Variants in PKD1L3 observed in about 807,000 individuals in gnomAD.
PKD1L3 encodes the protein polycystin 1 like 3, transient receptor potential channel interacting.
Under a neutral mutation model 184.1 loss-of-function variants are expected in PKD1L3, and 239 were observed. The observed-to-expected ratio is 1.30, with a 90% CI of 1.17 to 1.45. The LOEUF is 1.45. PKD1L3 is among the 40% of genes most tolerant of loss of function. The pLI is 0.00. For synonymous variants in PKD1L3, 996 were observed against 778.8 expected (o/e 1.28, Z -4.64); for missense variants, 2,660 against 2,067.2 (o/e 1.29, Z -5.56).
intron 15 of PKD1L3, among the ~76,000 whole-genome samples, chr16:71,963,746 G>T (rs1050837686): frequency 6.6e-6 from 1 of 152,068 alleles, no homozygotes; most frequent in Non-Finnish European, 1.5e-5. Flanking sequence ...TTGCACCACT[G>T]CATTCTAGCT....
chr16:71,951,246 G>T (rs1159071250), intron 19 of PKD1L3, among the ~76,000 whole-genome samples: 1 of 152,084 alleles, frequency 6.6e-6, no homozygotes. Context: ...CGCCATGTTG[G>T]CTAGGCTGGC....
chr16:71,966,202 C>A (rs2039496220), intron 15 of PKD1L3, among the ~76,000 whole-genome samples: 1 of 152,088 alleles, frequency 6.6e-6, no homozygotes, highest in Admixed American at 6.6e-5. Flanking sequence ...TCATTTTTCT[C>A]TTTTTTCCTA....
intron 11 of PKD1L3, among the ~76,000 whole-genome samples, chr16:71,975,428 A>G (rs2039882462): frequency 6.6e-6 from 1 of 152,042 alleles, no homozygotes; most frequent in Non-Finnish European, 1.5e-5. Flanking sequence ...ATTCATTCTG[A>G]TTTTATACCA....
At chr16:71,929,933 A>C in intron 29 of PKD1L3, 119 bp downstream of exon 29, 1 of 1,247,138 alleles carries the variant, frequency 8.0e-7, no homozygotes, top group South Asian at 1.7e-5. Context: ...TTTTGAAACT[A>C]ATAAAGGGAA....
At chr16:71,986,850 A>G (rs1350425870) in intron 4 of PKD1L3, among the ~76,000 whole-genome samples, 5 of 151,936 alleles carry the variant, frequency 3.3e-5, no homozygotes, top group African/African-American at 1.2e-4. Flanking sequence ...TGCTATGAAG[A>G]AAACAATAAT....
intron 14 of PKD1L3, 108 bp downstream of exon 14, chr16:71,967,798 C>G (rs1216178453): frequency 1.1e-6 from 1 of 899,318 alleles, no homozygotes; most frequent in Non-Finnish European, 1.7e-6. Context: ...AAATACCAAT[C>G]TCTAGTCTCT....
Position 71,973,466 on chromosome 16 carries a change from C to A in PKD1L3, c.1811G>T (p.Gly604Val), listed in dbSNP as rs1039010742. The A allele has an allele frequency of 1.9e-6, 3 of 1,551,838 alleles. No homozygotes were observed. The highest frequency in any genetic ancestry group is 1.7e-4 in the Middle Eastern group (1 of 5,996). The change falls in exon 12 of 30, where the codon GGC becomes GTC. Residue 604 changes from glycine (G) to valine (V), a missense_variant. Coordinates refer to ENST00000620267, the MANE Select transcript of PKD1L3 (RefSeq NM_181536.2). The part of the protein sequence containing the change: ...LNPEHLQHGI[G>V]TYYITAVLSE... ...CAGCACAGCTGTTATATAGTAGGTG[C>A]CAATCCCGTGCTGCAGATGCTCTGG...
Position 72,000,291 on chromosome 16 carries a change from T to A in PKD1L3, c.-313A>T, listed in dbSNP as rs74754689. 4.3e-4 allele frequency among the ~76,000 whole-genome samples: 65 copies of A among 152,282 alleles called. No individual in the cohort carries two copies. The East Asian group carries it at 0.011, about 26-fold the overall frequency. ...CTAAGCTGCACTGGGTAGAGGATGA[T>A]GAATATCTAACATCTAAGTTAGTGC... is the stretch of plus-strand genomic sequence containing the variant. On this transcript the variant is annotated 5_prime_UTR_variant, in exon 1 of 30. Coordinates refer to ENST00000620267, the MANE Select transcript of PKD1L3 (RefSeq NM_181536.2).
chr16:71,948,801 A>AG (rs2038717035), intron 21 of PKD1L3, among the ~76,000 whole-genome samples: 1 of 131,472 alleles, frequency 7.6e-6, no homozygotes, highest in Non-Finnish European at 1.6e-5. Flanking sequence ...ACTTACATAT[A>AG]GTAAAAAAAA....
chr16:71,994,521 G>C (rs2040711406), intron 2 of PKD1L3, among the ~76,000 whole-genome samples: 1 of 151,932 alleles, frequency 6.6e-6, no homozygotes, highest in Admixed American at 6.6e-5. Context: ...CTCAGATTAA[G>C]TACATCATTC....
intron 24 of PKD1L3, among the ~76,000 whole-genome samples, chr16:71,938,848 T>C (rs917703015): frequency 6.6e-6 from 1 of 152,214 alleles, no homozygotes; most frequent in Non-Finnish European, 1.5e-5. Context: ...CACCCTCCAG[T>C]TGTCAGTGTA....
intron 2 of PKD1L3, among the ~76,000 whole-genome samples, chr16:71,994,946 C>T (rs1000440844): frequency 2.6e-5 from 4 of 152,214 alleles, no homozygotes; most frequent in African/African-American, 9.6e-5. Flanking sequence ...CAAGATCACG[C>T]CATTACACTC....
At chr16:71,997,489 C>T (rs2143910831) in intron 2 of PKD1L3, among the ~76,000 whole-genome samples, 1 of 152,186 alleles carries the variant, frequency 6.6e-6, no homozygotes, top group South Asian at 2.1e-4. Flanking sequence ...TGGCTCATGC[C>T]TGTAATCCCA....
At chr16:71,956,174 AAAGG>A (rs2039038658) in intron 16 of PKD1L3, among the ~76,000 whole-genome samples, 1 of 142,624 alleles carries the variant, frequency 7.0e-6, no homozygotes, top group African/African-American at 2.6e-5. Context: ...TTAGCTTTAA[AAAGG>A]AAGGAATTTT....
At chr16:71,965,740 G>C (rs1337019064) in intron 15 of PKD1L3, among the ~76,000 whole-genome samples, 7 of 152,028 alleles carry the variant, frequency 4.6e-5, no homozygotes, top group Admixed American at 4.6e-4. Flanking sequence ...TTTTAGTAGA[G>C]ACAGGGTTTC....
chr16:71,950,737 C>T (rs201538370), intron 19 of PKD1L3, among the ~76,000 whole-genome samples: 4 of 140,512 alleles, frequency 2.8e-5, no homozygotes, highest in Middle Eastern at 3.7e-3. Context: ...GTATTTCTCT[C>T]TTTTTTTTTT....
chr16:71,972,300 G>A (rs997167342), intron 12 of PKD1L3, among the ~76,000 whole-genome samples: 2 of 152,326 alleles, frequency 1.3e-5, no homozygotes, highest in South Asian at 2.1e-4. Context: ...TGGGGAGGCC[G>A]AGGCAGGAGA....
At chr16:71,981,831 G>A (rs933392228) in intron 7 of PKD1L3, among the ~76,000 whole-genome samples, 6 of 151,820 alleles carry the variant, frequency 4.0e-5, no homozygotes, top group Non-Finnish European at 7.4e-5. Flanking sequence ...GTGAGCCACC[G>A]GGTCCAGCCC....
Position 71,947,602 on chromosome 16 carries a change from G to C in PKD1L3, c.3619-11C>G. ...TGTGAAGAAGACCACCTGGGCAGGA[G>C]AATCACAGAACATCGTGAGCAGACA... is the stretch of plus-strand genomic sequence containing the variant. On this transcript the variant is annotated splice_polypyrimidine_tract_variant and intron_variant, in intron 21 of 29. Transcript: ENST00000620267. 2.0e-6 allele frequency: 3 copies of C among 1,490,564 alleles called. No individual in the cohort carries two copies. The highest frequency in any genetic ancestry group is 1.2e-5 in the South Asian group (1 of 82,744). The allele number at this position is 1,490,564 out of a possible 1,614,324, so 92.3% of individuals were successfully genotyped here.
Sources: gnomAD v4.1 joint callset for allele counts (sites outside exome capture counted in the v4.1 genomes callset) on GRCh38, gnomAD v4.1.1 for gene constraint, MANE v1.5 for transcripts, NCBI Gene and HGNC (gene_info 2026-07-23, HGNC 2026-07-21) for gene names.